Variants in DNMT1 observed in about 807,000 individuals in gnomAD.
DNMT1 encodes DNA methyltransferase 1.
Under a neutral mutation model 205.3 loss-of-function variants are expected in DNMT1, and 24 were observed. The ratio of observed to expected loss-of-function variants is 0.12; its 90% CI spans 0.08 to 0.16. The LOEUF (loss-of-function observed/expected upper bound fraction) is 0.16, where lower values mean the gene tolerates loss of function less well. DNMT1 is among the 10% of genes least tolerant of loss of function. The pLI, the probability that DNMT1 is intolerant of heterozygous loss-of-function variation, is 1.00. For missense variants in DNMT1, 1,293 were observed against 2,177.7 expected, an observed-to-expected ratio of 0.59 and a Z score of 8.09; for synonymous variants, 817 against 839.8, an observed-to-expected ratio of 0.97 and a Z score of 0.47.
intron 7 of DNMT1, among the ~76,000 whole-genome samples, chr19:10,174,198 A>T (rs917735445): frequency 1.3e-5 from 2 of 152,154 alleles, no homozygotes; most frequent in African/African-American, 4.8e-5. Flanking sequence ...TTGTGTCAGG[A>T]ATTTGTTTAA....
At chr19:10,171,799 C>A (rs1192770951) in intron 9 of DNMT1, among the ~76,000 whole-genome samples, 1 of 135,204 alleles carries the variant, frequency 7.4e-6, no homozygotes. Context: ...AGCGAGACTC[C>A]GTCTCAAATA....
Position 10,194,733 on chromosome 19 carries a change from G to C in DNMT1, c.80+87C>G. The C allele has an allele frequency of 4.1e-6, 6 of 1,479,652 alleles. 1 individual carries two copies. In the Admixed American group the frequency reaches 1.4e-4, roughly 34 times the overall value. The allele number at this position is 1,479,652 out of a possible 1,614,324, so 91.7% of individuals were successfully genotyped here. A position where few individuals can be genotyped will look rare whatever the true frequency, so the allele number is the denominator to read the frequency against. The stretch of plus-strand genomic sequence containing the variant: ...GCATGCGCGCCCGTCTGTCAGCAGC[G>C]GCCACCGGCCACCCCGAGGGGAAGC... On this transcript the variant is annotated intron_variant, in intron 1 of 40. Transcript: ENST00000359526.
At chr19:10,163,228 A>T in intron 12 of DNMT1, 98 bp downstream of exon 12, 4 of 1,384,508 alleles carry the variant, frequency 2.9e-6, no homozygotes, top group Non-Finnish European at 4.1e-6. Flanking sequence ...CAGCCTCCCA[A>T]AGTGCTGGGA....
chr19:10,156,618 CTT>C lies in DNMT1; in HGVS notation c.1281-111_1281-110del. ...TGAGAGAATGTACAAGTCTGACACT[CTT>C]TTTTTGTTTGTTTTTGAGACAGAGT... On this transcript the variant is annotated intron_variant, in intron 17 of 40. Coordinates refer to ENST00000359526, the MANE Select transcript of DNMT1 (RefSeq NM_001130823.3). This position sits in a 1 kb window ranked among gnomAD's most constrained non-coding sequence, Gnocchi z 4.2. The C allele has an allele frequency of 1.2e-6, 1 of 822,604 alleles. No individual in the cohort carries two copies. Among genetic ancestry groups the C allele is most frequent in the Non-Finnish European group, 2.1e-6 (1 of 479,106 alleles). 51.0% of individuals were successfully genotyped at this position (822,604 alleles called of 1,614,324 possible).
intron 6 of DNMT1, among the ~76,000 whole-genome samples, chr19:10,177,059 A>G (rs547313184): frequency 1.5e-4 from 23 of 152,242 alleles, no homozygotes; most frequent in Non-Finnish European, 1.9e-4. Flanking sequence ...GATGATGGGT[A>G]TTTCAGGGTT....
intron 37 of DNMT1, 124 bp from the exon 38 acceptor site, chr19:10,136,411 C>A (rs369531625): frequency 2.5e-6 from 3 of 1,206,882 alleles, no homozygotes; most frequent in Non-Finnish European, 3.6e-6. Flanking sequence ...TGGGGTGGAG[C>A]AGCCAACAAT....
At chr19:10,178,893 G>A (rs540716775) in intron 5 of DNMT1, among the ~76,000 whole-genome samples, 11 of 152,072 alleles carry the variant, frequency 7.2e-5, no homozygotes, top group Middle Eastern at 3.4e-3. Flanking sequence ...TTGGGAGGCC[G>A]AGGCGGGCGG....
At chr19:10,193,045 TCAAA>T (rs1379934454) in intron 1 of DNMT1, among the ~76,000 whole-genome samples, 11 of 152,152 alleles carry the variant, frequency 7.2e-5, no homozygotes, top group East Asian at 3.9e-4. Flanking sequence ...AGACTCCATC[TCAAA>T]CAAACAAACA....
In DNMT1 at chr19:10,145,321, C is replaced by T. The variant is rs80253289; in HGVS notation, c.2894+1030G>A. 5.8e-3 allele frequency among the ~76,000 whole-genome samples: 881 copies of T among 152,280 alleles called. 18 individuals carry two copies. The highest frequency in any genetic ancestry group is 0.034 in the East Asian group (174 of 5,186). ...ACTACGGGGAGGTGTCCCCTTCCCA[C>T]CAAGGACAACCAGAGGGGGTAACGC... is the stretch of plus-strand genomic sequence containing the variant. On this transcript the variant is annotated intron_variant, in intron 28 of 40. Transcript: ENST00000359526.
At position 10,137,802 on chromosome 19, in the gene DNMT1, G is replaced by A. The variant is rs1371645733; in HGVS notation, c.4293+30C>T. 1.2e-6 allele frequency: 2 copies of A among 1,607,308 alleles called. No individual in the cohort carries two copies. The highest frequency in any genetic ancestry group is 3.5e-4 in the Middle Eastern group (2 of 5,736). On this transcript the variant is annotated intron_variant, in intron 36 of 40. Coordinates refer to ENST00000359526, the MANE Select transcript of DNMT1 (RefSeq NM_001130823.3). This position sits in a 1 kb window ranked among gnomAD's most constrained non-coding sequence, Gnocchi z 6.4. Reference sequence around the variant, plus strand: ...ACGAGGCTGCTGGGCTGGGCCTCGAGGAGGAGCCGCTCTGTCAGGGTGCCA... The same window carrying A: ...ACGAGGCTGCTGGGCTGGGCCTCGAAGAGGAGCCGCTCTGTCAGGGTGCCA...
In DNMT1 at chr19:10,139,996, G is replaced by A. The variant is rs766749531; in HGVS notation, c.3806+50C>T. ...GCGAAAATGACCACTGCTGACATGC[G>A]GCACAGCCCCGGGCCGTCTGGCAAC... On this transcript the variant is annotated intron_variant, in intron 33 of 40. Transcript: ENST00000359526. 7.5e-6 allele frequency: 12 copies of A among 1,601,666 alleles called. No individual in the cohort carries two copies. The South Asian group carries it at 8.8e-5, about 12-fold the overall frequency.
In DNMT1 at chr19:10,138,144, G is replaced by A; in HGVS notation, c.4116-135C>T. 8.3e-7 allele frequency: 1 copy of A among 1,202,906 alleles called. No individual in the cohort carries two copies. The highest frequency in any genetic ancestry group is 1.2e-6 in the Non-Finnish European group (1 of 846,480). The allele number at this position is 1,202,906 out of a possible 1,614,324, so 74.5% of individuals were successfully genotyped here. A position where few individuals can be genotyped will look rare whatever the true frequency, so the allele number is the denominator to read the frequency against. ...ACTGCCCGAGGTCACATGGGTGGCA[G>A]TGTGCCTGGATGCCATCTGGAAGGG... On this transcript the variant is annotated intron_variant, in intron 35 of 40. Coordinates refer to ENST00000359526, the MANE Select transcript of DNMT1 (RefSeq NM_001130823.3). This position sits in a 1 kb window ranked among gnomAD's most constrained non-coding sequence, Gnocchi z 4.1.
At position 10,138,121 on chromosome 19, in the gene DNMT1, T is replaced by C. The variant is rs552378111; in HGVS notation, c.4116-112A>G. The C allele has an allele frequency of 3.4e-5, 46 of 1,333,686 alleles. No individual in the cohort carries two copies. The East Asian group carries it at 5.3e-4, about 15-fold the overall frequency. 82.6% of individuals were successfully genotyped at this position (1,333,686 alleles called of 1,614,324 possible). On this transcript the variant is annotated intron_variant, in intron 35 of 40. Coordinates refer to ENST00000359526, the MANE Select transcript of DNMT1 (RefSeq NM_001130823.3). The surrounding 1 kb of genome is among the most constrained non-coding windows in gnomAD (Gnocchi z 4.1). Reference sequence around the variant, plus strand: ...TGGCCTTCTCCCGAGATCACAGCACTGCCCGAGGTCACATGGGTGGCAGTG... The same window carrying C: ...TGGCCTTCTCCCGAGATCACAGCACCGCCCGAGGTCACATGGGTGGCAGTG...
At chr19:10,190,944 C>G (rs2039291507) in intron 1 of DNMT1, among the ~76,000 whole-genome samples, 1 of 152,012 alleles carries the variant, frequency 6.6e-6, no homozygotes, top group Non-Finnish European at 1.5e-5. Context: ...AAAACCCAGT[C>G]TCTAATAAAA....
Position 10,180,899 on chromosome 19 carries a change from A to C in DNMT1, c.118-14T>G, listed in dbSNP as rs746599641. Reference sequence around the variant, plus strand: ...CTTCACACATTCCTAAGGGAAGGATATAGGTTTAGCAGTACCCACATTCCC... The same window carrying C: ...CTTCACACATTCCTAAGGGAAGGATCTAGGTTTAGCAGTACCCACATTCCC... On this transcript the variant is annotated splice_polypyrimidine_tract_variant and intron_variant, in intron 2 of 40. Coordinates refer to ENST00000359526, the MANE Select transcript of DNMT1 (RefSeq NM_001130823.3). 1 of 1,611,560 alleles carries C rather than the reference A, an allele frequency of 6.2e-7. No homozygotes were observed. Among genetic ancestry groups the C allele is most frequent in the South Asian group, 1.1e-5 (1 of 90,996 alleles).
intron 37 of DNMT1, 44 bp from the exon 38 acceptor site, chr19:10,136,331 T>C (rs753870095): frequency 1.8e-5 from 29 of 1,609,450 alleles, no homozygotes; most frequent in Admixed American, 6.7e-5. Flanking sequence ...TGGGATGGGG[T>C]ATAGGCTTGG....
intron 5 of DNMT1, among the ~76,000 whole-genome samples, chr19:10,179,604 C>G (rs2039003657): frequency 6.6e-6 from 1 of 152,070 alleles, no homozygotes; most frequent in Non-Finnish European, 1.5e-5. Context: ...AGTGAGGATG[C>G]GTACAAAAGA....
chr19:10,162,822 G>A (rs2038603298), intron 12 of DNMT1, 74 bp from the exon 13 acceptor site: 7 of 1,514,006 alleles, frequency 4.6e-6, no homozygotes, highest in Non-Finnish European at 6.4e-6. Context: ...CACGGAAAGT[G>A]ACAAACTAAT....
Position 10,180,434 on chromosome 19 carries a change from C to G in DNMT1, c.361G>C (p.Gly121Arg), listed in dbSNP as rs1331733943. 4 of 1,614,158 alleles carry G rather than the reference C, an allele frequency of 2.5e-6. No individual in the cohort carries two copies. Among genetic ancestry groups the G allele is most frequent in the Non-Finnish European group, 3.4e-6 (4 of 1,180,036 alleles). Reference sequence around the variant, plus strand: ...GGGGGGCTGTTGGCATCTGCCATTCCCACTCTACGGGCTTCACTTCTTGCT... The same window carrying G: ...GGGGGGCTGTTGGCATCTGCCATTCGCACTCTACGGGCTTCACTTCTTGCT... ...NQARSEARRVGMADANSPPKP... is the reference protein window; with the variant it reads ...NQARSEARRVRMADANSPPKP... Residue 121 changes from glycine (G) to arginine (R), a missense_variant, in exon 4 of 41, where the codon GGA (glycine) becomes CGA (arginine). This residue lies in a region of DNMT1 where 394 missense variants were observed against 451.6 expected (regional missense o/e 0.87). Transcript: ENST00000359526.
Sources: allele counts gnomAD v4.1 joint callset (sites outside exome capture counted in the v4.1 genomes callset), GRCh38; gene constraint gnomAD v4.1.1; regional missense constraint gnomAD v4.1.1; non-coding constraint Gnocchi (gnomAD v3.1); transcripts MANE v1.5; gene names NCBI Gene and HGNC (gene_info 2026-07-23, HGNC 2026-07-21).